CNOT4: variants seen among roughly 807,000 people sequenced by gnomAD.
CNOT4 encodes CCR4-associated factor 4.
In CNOT4, 8 loss-of-function variants were observed where a neutral mutation model predicts 73.8. The ratio of observed to expected loss-of-function variants is 0.11; its 90% CI spans 0.06 to 0.20. The LOEUF is 0.20. Among genes scored for constraint, CNOT4 ranks in the 10% least tolerant of loss-of-function variants. The pLI is 1.00. For synonymous variants in CNOT4, 293 were observed against 321.1 expected, an observed-to-expected ratio of 0.91 and a Z score of 0.94; for missense variants, 564 against 883.4, an observed-to-expected ratio of 0.64 and a Z score of 4.58.
At chr7:135,424,138 CCAAA>C (rs1317520706) in intron 2 of CNOT4, among the ~76,000 whole-genome samples, 22 of 149,954 alleles carry the variant, frequency 1.5e-4, no homozygotes, top group African/African-American at 4.9e-4. Flanking sequence ...ATTTAAGGAA[CCAAA>C]CAGTTAAAGA....
intron 2 of CNOT4, among the ~76,000 whole-genome samples, chr7:135,427,037 A>G (rs1049945545): frequency 3.3e-5 from 5 of 152,228 alleles, no homozygotes; most frequent in Admixed American, 2.0e-4. Context: ...TTTCTCTTTA[A>G]ACATACTATT....
intron 6 of CNOT4, 37 bp downstream of exon 6, chr7:135,413,451 T>C (rs1433849679): frequency 1.3e-6 from 2 of 1,598,920 alleles, no homozygotes; most frequent in Non-Finnish European, 1.7e-6. Flanking sequence ...AAGTACTCCC[T>C]TTTCTGCAAA....
At chr7:135,453,847 T>TAA (rs1554438701) in intron 1 of CNOT4, among the ~76,000 whole-genome samples, 3 of 119,364 alleles carry the variant, frequency 2.5e-5, no homozygotes, top group Middle Eastern at 4.4e-3. Context: ...TATATATATA[T>TAA]TATATATATA....
rs181317603 is a variant in CNOT4 at position 135,420,948 on chromosome 7, C to T, written c.372+1208G>A. On this transcript the variant is annotated intron_variant, in intron 3 of 11. Transcript: ENST00000541284. ...TTTTCTATATCAACTCTAGACCACT[C>T]CTTTGGATTTGGAAAGAACTTGATG... 1.3e-3 allele frequency among the ~76,000 whole-genome samples: 205 copies of T among 152,162 alleles called. 5 individuals carry two copies. Among genetic ancestry groups the T allele is most frequent in the Middle Eastern group, 0.01 (3 of 294 alleles).
At chr7:135,406,057 T>G (rs2129483867) in intron 7 of CNOT4, among the ~76,000 whole-genome samples, 1 of 152,118 alleles carries the variant, frequency 6.6e-6, no homozygotes, top group Non-Finnish European at 1.5e-5. Context: ...TTGGAAAGAG[T>G]TACACTGCTC....
At chr7:135,414,309 A>AT in intron 5 of CNOT4, 22 bp downstream of exon 5, 1 of 847,428 alleles carries the variant, frequency 1.2e-6, no homozygotes, top group Non-Finnish European at 1.9e-6. Context: ...AAAAAAAAAA[A>AT]GAATCAAGAG....
intron 1 of CNOT4, among the ~76,000 whole-genome samples, chr7:135,496,557 T>C (rs994113273): frequency 2.6e-5 from 4 of 152,074 alleles, no homozygotes; most frequent in African/African-American, 9.7e-5. Flanking sequence ...TATTGGACTA[T>C]GTCCACCTCT....
At chr7:135,428,601 T>C (rs775347583) in intron 2 of CNOT4, among the ~76,000 whole-genome samples, 4 of 151,980 alleles carry the variant, frequency 2.6e-5, no homozygotes, top group Non-Finnish European at 4.4e-5. Context: ...TAGTGGCAGA[T>C]TGGATACAAA....
Position 135,422,178 on chromosome 7 carries a change from G to C in CNOT4, c.350C>G (p.Ser117Cys). Residue 117 changes from serine (S) to cysteine (C), a missense_variant, in exon 3 of 12, where the codon TCT becomes TGT. Coordinates refer to ENST00000541284, the MANE Select transcript of CNOT4 (RefSeq NM_001190850.2). ...QKNLVFVVGL[S>C]QRLADPEVLK... The stretch of plus-strand genomic sequence containing the variant: ...TACCTCTGGGTCTGCTAGGCGCTGA[G>C]ATAAACCTACAACAAAGACGAGGTT... 8 of 1,610,254 alleles carry C rather than the reference G, an allele frequency of 5.0e-6. No individual in the cohort carries two copies. Among genetic ancestry groups the C allele is most frequent in the Admixed American group, 1.7e-5 (1 of 60,012 alleles).
chr7:135,422,168 T>C lies in CNOT4; in HGVS notation c.360A>G (p.Leu120=), dbSNP rs561896081. 8.2e-5 allele frequency: 132 copies of C among 1,605,348 alleles called. 3 individuals carry two copies. The South Asian group carries it at 1.4e-3, about 18-fold the overall frequency. The part of the protein sequence containing the change: ...LVFVVGLSQR[L]ADPEVLKRPE... The stretch of plus-strand genomic sequence containing the variant: ...CAAGAGGACTTACCTCTGGGTCTGC[T>C]AGGCGCTGAGATAAACCTACAACAA... Residue 120 remains leucine, a synonymous_variant, in exon 3 of 12, where the codon CTA becomes CTG. Coordinates refer to ENST00000541284, the MANE Select transcript of CNOT4 (RefSeq NM_001190850.2).
In CNOT4 at chr7:135,362,779, A is replaced by T. The variant is rs1434071206; in HGVS notation, c.*106T>A. The T allele has an allele frequency of 3.8e-6, 4 of 1,060,272 alleles. No homozygotes were observed. The highest frequency in any genetic ancestry group is 1.7e-5 in the Admixed American group (1 of 59,340). The allele number at this position is 1,060,272 out of a possible 1,614,324, so 65.7% of individuals were successfully genotyped here. ...AGAAAAAAAATTGATCAGGTACTGG[A>T]TTCTTCAGAACATAAGAGATGAGAA... On this transcript the variant is annotated 3_prime_UTR_variant, in exon 12 of 12. Transcript: ENST00000541284.
chr7:135,490,882 G>A (rs1003942351), intron 1 of CNOT4, among the ~76,000 whole-genome samples: 4 of 152,260 alleles, frequency 2.6e-5, no homozygotes, highest in Non-Finnish European at 5.9e-5. Flanking sequence ...AAAGGCTGCT[G>A]CCATTACCCA....
At chr7:135,432,708 A>G (rs962166447) in intron 2 of CNOT4, among the ~76,000 whole-genome samples, 4 of 152,180 alleles carry the variant, frequency 2.6e-5, no homozygotes, top group African/African-American at 9.7e-5. Context: ...ACATCCTCCA[A>G]TAGATTCCTG....
chr7:135,413,698 G>C (rs968591546), intron 5 of CNOT4, 85 bp from the exon 6 acceptor site: 3 of 1,389,914 alleles, frequency 2.2e-6, no homozygotes, highest in Admixed American at 2.3e-5. Flanking sequence ...GTGTTTTCAA[G>C]TCACCTAAAA....
At chr7:135,388,596 C>G in intron 10 of CNOT4, 1 of 1,178,784 alleles carries the variant, frequency 8.5e-7, no homozygotes, top group Non-Finnish European at 1.1e-6. Flanking sequence ...AATTATTACA[C>G]TAATAAATTA....
At chr7:135,398,020 A>G in intron 8 of CNOT4, 149 bp downstream of exon 8, 1 of 646,860 alleles carries the variant, frequency 1.5e-6, no homozygotes, top group Non-Finnish European at 2.7e-6. Context: ...TGGGGGGAAA[A>G]GGCTAATTAT....
chr7:135,397,952 T>G (rs1488757995), intron 8 of CNOT4, among the ~76,000 whole-genome samples: 1 of 152,130 alleles, frequency 6.6e-6, no homozygotes, highest in African/African-American at 2.4e-5. Flanking sequence ...TAATAGTATC[T>G]GGTCATAATG....
intron 7 of CNOT4, among the ~76,000 whole-genome samples, chr7:135,409,452 C>T (rs115180070): frequency 1.3e-5 from 2 of 151,888 alleles, no homozygotes; most frequent in Non-Finnish European, 2.9e-5. Flanking sequence ...ATATATGTGT[C>T]TAATTTAGTT....
intron 1 of CNOT4, among the ~76,000 whole-genome samples, chr7:135,474,101 T>C (rs1438423802): frequency 6.7e-6 from 1 of 149,166 alleles, no homozygotes; most frequent in Non-Finnish European, 1.5e-5. Flanking sequence ...TGCCTCAGCC[T>C]CCCGAGTAGC....
Sources: gnomAD v4.1 joint callset for allele counts (sites outside exome capture counted in the v4.1 genomes callset) on GRCh38, gnomAD v4.1.1 for gene constraint, MANE v1.5 for transcripts, NCBI Gene and HGNC (gene_info 2026-07-23, HGNC 2026-07-21) for gene names.